Variants in WARS2 observed in about 807,000 individuals in gnomAD.
WARS2 encodes tryptophan--tRNA ligase, mitochondrial.
Under a neutral mutation model 36.5 loss-of-function variants are expected in WARS2, and 28 were observed. The ratio of observed to expected loss-of-function variants is 0.77; its 90% CI spans 0.57 to 1.05. WARS2 has a LOEUF of 1.05. WARS2 is among the 50% of genes least tolerant of loss of function. The pLI, the probability that WARS2 is intolerant of heterozygous loss-of-function variation, is 0.00. For missense variants in WARS2, 435 were observed against 456.8 expected, an observed-to-expected ratio of 0.95 and a Z score of 0.44; for synonymous variants, 174 against 178.4, an observed-to-expected ratio of 0.98 and a Z score of 0.20.
chr1:119,137,266 T>C (rs587622487), intron 1 of WARS2, among the ~76,000 whole-genome samples: 1 of 152,298 alleles, frequency 6.6e-6, no homozygotes, highest in East Asian at 1.9e-4. Flanking sequence ...ACTCTGTAAA[T>C]CTAAAATTAT....
At chr1:119,126,524 T>C (rs764319267) in intron 1 of WARS2, 62 of 542,430 alleles carry the variant, frequency 1.1e-4, no homozygotes, top group Non-Finnish European at 1.9e-4. Flanking sequence ...TTTGCCACTA[T>C]TAAAAGTCTG....
At chr1:119,046,285 G>GTTTT (rs71070781) in intron 2 of WARS2, among the ~76,000 whole-genome samples, 1 of 101,524 alleles carries the variant, frequency 9.8e-6, no homozygotes, top group African/African-American at 3.6e-5. Flanking sequence ...CTCCTTTTCT[G>GTTTT]TTTTTTTTTT....
intron 1 of WARS2, chr1:119,085,476 T>C: frequency 1.3e-6 from 2 of 1,568,636 alleles, no homozygotes; most frequent in Admixed American, 2.1e-5. Context: ...TTTTTGTCTT[T>C]TTTTGCGCTT....
chr1:119,139,189 A>G (rs1012087077), intron 1 of WARS2, among the ~76,000 whole-genome samples: 1 of 152,174 alleles, frequency 6.6e-6, no homozygotes, highest in African/African-American at 2.4e-5. Flanking sequence ...TTTTTGATAA[A>G]TTTATCTAAT....
At chr1:119,101,596 C>A (rs1481172794) in intron 1 of WARS2, among the ~76,000 whole-genome samples, 1 of 152,178 alleles carries the variant, frequency 6.6e-6, no homozygotes, top group East Asian at 1.9e-4. Context: ...CTGAAGTAAA[C>A]CCACATGTCC....
intron 2 of WARS2, among the ~76,000 whole-genome samples, chr1:119,055,339 A>G (rs1649684984): frequency 6.6e-6 from 1 of 152,176 alleles, no homozygotes; most frequent in Non-Finnish European, 1.5e-5. Flanking sequence ...GTGGTCAGGC[A>G]TGGTGGCTCA....
At chr1:119,066,208 T>G (rs192833100) in intron 2 of WARS2, among the ~76,000 whole-genome samples, 124 of 152,086 alleles carry the variant, frequency 8.2e-4, no homozygotes, top group African/African-American at 2.6e-3. Flanking sequence ...CTGGGTGCGG[T>G]GGCTCACGCC....
Position 119,127,263 on chromosome 1 carries a change from A to C in WARS2, c.90+13292T>G, listed in dbSNP as rs1345772808. ...CTTGGCTCCCTTTTTGCCGCCTTTC[A>C]TAAGGCGCTTGTTCTTGCCAACCTC... On this transcript the variant is annotated intron_variant, in intron 1 of 5. Coordinates refer to ENST00000235521, the MANE Select transcript of WARS2 (RefSeq NM_015836.4). The C allele has an allele frequency of 1.6e-5, 12 of 752,840 alleles. No individual in the cohort carries two copies. In the South Asian group the frequency reaches 1.7e-4, roughly 10 times the overall value. The allele number at this position is 752,840 out of a possible 1,614,324, so 46.6% of individuals were successfully genotyped here. A position where few individuals can be genotyped will look rare whatever the true frequency, so the allele number is the denominator to read the frequency against.
intron 5 of WARS2, 149 bp downstream of exon 5, chr1:119,033,946 A>C: frequency 1.1e-4 from 65 of 569,138 alleles, no homozygotes; most frequent in Non-Finnish European, 1.4e-4. Context: ...GTCCTACACT[A>C]GAGAAAACAA....
intron 4 of WARS2, among the ~76,000 whole-genome samples, chr1:119,035,114 T>C (rs548260804): frequency 4.6e-5 from 7 of 152,222 alleles, no homozygotes; most frequent in African/African-American, 1.7e-4. Flanking sequence ...TAATCCCATA[T>C]GTAAAGTTTG....
intron 2 of WARS2, among the ~76,000 whole-genome samples, chr1:119,067,864 G>T (rs372903417): frequency 6.6e-6 from 1 of 151,822 alleles, no homozygotes; most frequent in Non-Finnish European, 1.5e-5. Context: ...CTTCTTGAAG[G>T]TATAATTAAC....
intron 1 of WARS2, among the ~76,000 whole-genome samples, chr1:119,081,589 A>G (rs889916510): frequency 2.0e-5 from 3 of 152,210 alleles, no homozygotes; most frequent in African/African-American, 7.2e-5. Context: ...AAAAGTATTC[A>G]ATAACATTAC....
intron 1 of WARS2, among the ~76,000 whole-genome samples, chr1:119,116,060 A>G (rs1654946313): frequency 6.6e-6 from 1 of 152,236 alleles, no homozygotes; most frequent in Admixed American, 6.5e-5. Flanking sequence ...CTTCACTCTA[A>G]GTACATTTGT....
At chr1:119,041,139 A>G (rs1482846400) in intron 4 of WARS2, among the ~76,000 whole-genome samples, 1 of 152,186 alleles carries the variant, frequency 6.6e-6, no homozygotes, top group Non-Finnish European at 1.5e-5. Flanking sequence ...GCCACGAGGT[A>G]CAGATACTGT....
At chr1:119,112,203 T>G (rs1654686902) in intron 1 of WARS2, among the ~76,000 whole-genome samples, 2 of 152,192 alleles carry the variant, frequency 1.3e-5, no homozygotes. Context: ...ATTATAGGCA[T>G]GAGCCACCAC....
intron 2 of WARS2, among the ~76,000 whole-genome samples, chr1:119,051,079 T>C (rs896299434): frequency 2.5e-4 from 38 of 152,204 alleles, no homozygotes; most frequent in African/African-American, 8.9e-4. Flanking sequence ...AGGTTTGTTA[T>C]AGAGGTAAAC....
intron 1 of WARS2, chr1:119,126,847 G>A (rs1655694361): frequency 1.3e-6 from 1 of 770,678 alleles, no homozygotes; most frequent in South Asian, 1.3e-5. Flanking sequence ...TTCCAGATTT[G>A]GAGGACCTGT....
chr1:119,077,657 A>C (rs1651853839), intron 1 of WARS2, among the ~76,000 whole-genome samples: 2 of 152,130 alleles, frequency 1.3e-5, no homozygotes, highest in Admixed American at 1.3e-4. Flanking sequence ...TTAATTCTAC[A>C]TAATTATTTA....
At chr1:119,106,904 G>A (rs1303156171) in intron 1 of WARS2, among the ~76,000 whole-genome samples, 2 of 152,174 alleles carry the variant, frequency 1.3e-5, no homozygotes, top group Non-Finnish European at 2.9e-5. Context: ...CAAGGTGTCT[G>A]TACTATTTTG....
Sources: gnomAD v4.1 joint callset for allele counts (sites outside exome capture counted in the v4.1 genomes callset) on GRCh38, gnomAD v4.1.1 for gene constraint, MANE v1.5 for transcripts, NCBI Gene and HGNC (gene_info 2026-07-23, HGNC 2026-07-21) for gene names.